Variants in COL25A1 observed in about 807,000 individuals in gnomAD.
The protein encoded by COL25A1 is collagen type XXV alpha 1 chain, also known as collagen alpha-1(XXV) chain.
Under a neutral mutation model 128.4 loss-of-function variants are expected in COL25A1, and 103 were observed. The observed-to-expected ratio is 0.80, with a 90% CI of 0.68 to 0.94. The LOEUF is 0.94. COL25A1 is among the 40% of genes least tolerant of loss of function. The pLI is 0.00. For synonymous variants in COL25A1, 279 were observed against 277.2 expected (o/e 1.01, Z -0.06); for missense variants, 745 against 840.0 (o/e 0.89, Z 1.40).
At chr4:109,002,777 TTTTAC>T (rs1755574170) in intron 6 of COL25A1, among the ~76,000 whole-genome samples, 4 of 151,892 alleles carry the variant, frequency 2.6e-5, no homozygotes, top group Admixed American at 2.0e-4. Flanking sequence ...TTTTTTTTTG[TTTTAC>T]TTTAAGTTTT....
At chr4:109,067,997 C>A (rs968905608) in intron 3 of COL25A1, among the ~76,000 whole-genome samples, 2 of 152,064 alleles carry the variant, frequency 1.3e-5, no homozygotes, top group African/African-American at 4.8e-5. Flanking sequence ...CAACAATAAT[C>A]GAAAATCAAG....
chr4:109,013,451 G>A (rs921919141), intron 5 of COL25A1, among the ~76,000 whole-genome samples: 1 of 151,728 alleles, frequency 6.6e-6, no homozygotes, highest in South Asian at 2.1e-4. Context: ...CAGGCTGCCT[G>A]AGCCAGCAGC....
In COL25A1 at chr4:109,290,467, A is replaced by G. The variant is rs1724355926; in HGVS notation, c.367+10116T>C. The stretch of plus-strand genomic sequence containing the variant: ...GTCTCTTTATGGAAGGAATTTCTCA[A>G]TGCTAGAGGTTTGGGGTTTTTCAAA... On this transcript the variant is annotated intron_variant, in intron 3 of 37. Transcript: ENST00000399132. 2.0e-5 allele frequency among the ~76,000 whole-genome samples: 3 copies of G among 152,080 alleles called. No individual in the cohort carries two copies. In the South Asian group the frequency reaches 6.2e-4, roughly 32 times the overall value.
chr4:108,886,492 G>GTTTTTTTTTTT (rs535762905), intron 18 of COL25A1, among the ~76,000 whole-genome samples: 5 of 109,272 alleles, frequency 4.6e-5, no homozygotes, highest in African/African-American at 2.0e-4. Context: ...GTGTGTGTGT[G>GTTTTTTTTTTT]TTTAGCTCAT....
At chr4:108,966,977 GA>G (rs1202305377) in intron 8 of COL25A1, among the ~76,000 whole-genome samples, 1 of 151,930 alleles carries the variant, frequency 6.6e-6, no homozygotes, top group Non-Finnish European at 1.5e-5. Flanking sequence ...GAAAAAGAAA[GA>G]AAAGTTTTAT....
chr4:109,278,989 C>T (rs374226816), intron 3 of COL25A1, among the ~76,000 whole-genome samples: 4 of 152,050 alleles, frequency 2.6e-5, no homozygotes, highest in African/African-American at 9.7e-5. Context: ...TCCCTAGGGA[C>T]CTTTTTATAT....
chr4:108,899,059 C>G (rs2125861438), intron 15 of COL25A1, 95 bp downstream of exon 15: 1 of 1,178,108 alleles, frequency 8.5e-7, no homozygotes, highest in East Asian at 2.5e-5. Context: ...ATCCATCCAC[C>G]CATCCATTCA....
intron 16 of COL25A1, among the ~76,000 whole-genome samples, chr4:108,893,854 A>C (rs1449152674): frequency 6.6e-6 from 1 of 152,168 alleles, no homozygotes; most frequent in Non-Finnish European, 1.5e-5. Flanking sequence ...ATTATATTCC[A>C]ATTACAGCAT....
At chr4:109,262,159 T>C (rs1003720272) in intron 3 of COL25A1, among the ~76,000 whole-genome samples, 1 of 152,114 alleles carries the variant, frequency 6.6e-6, no homozygotes, top group South Asian at 2.1e-4. Flanking sequence ...CATTTCTGCA[T>C]CCTCCCACAC....
chr4:109,193,983 A>G (rs552297926), intron 3 of COL25A1, among the ~76,000 whole-genome samples: 44 of 152,346 alleles, frequency 2.9e-4, no homozygotes, highest in Non-Finnish European at 5.4e-4. Context: ...TTGATTGATG[A>G]GCAAGGTCTT....
chr4:108,842,806 A>T (rs1734601219), intron 30 of COL25A1, among the ~76,000 whole-genome samples: 1 of 152,134 alleles, frequency 6.6e-6, no homozygotes, highest in African/African-American at 2.4e-5. Flanking sequence ...AAAAAGCCAA[A>T]AGTATGCCAT....
At chr4:109,155,654 T>G (rs1771959581) in intron 3 of COL25A1, among the ~76,000 whole-genome samples, 1 of 152,248 alleles carries the variant, frequency 6.6e-6, no homozygotes, top group African/African-American at 2.4e-5. Context: ...AACTAATTTT[T>G]ATTGCTATGA....
chr4:109,247,211 T>C (rs968114893), intron 3 of COL25A1, among the ~76,000 whole-genome samples: 1 of 152,026 alleles, frequency 6.6e-6, no homozygotes, highest in African/African-American at 2.4e-5. Context: ...CAAATTAGCC[T>C]GGTGTGGTTC....
At chr4:108,956,358 G>A (rs1750072656) in intron 8 of COL25A1, among the ~76,000 whole-genome samples, 1 of 152,200 alleles carries the variant, frequency 6.6e-6, no homozygotes, top group African/African-American at 2.4e-5. Context: ...TACTTAACCA[G>A]TCACACAGTT....
intron 3 of COL25A1, among the ~76,000 whole-genome samples, chr4:109,280,761 T>C (rs1488886231): frequency 6.6e-6 from 1 of 152,096 alleles, no homozygotes; most frequent in Non-Finnish European, 1.5e-5. Context: ...CAAGTGATTC[T>C]CCTGCCTCAG....
chr4:109,227,996 A>G (rs1281803937), intron 3 of COL25A1, among the ~76,000 whole-genome samples: 1 of 152,202 alleles, frequency 6.6e-6, no homozygotes, highest in Non-Finnish European at 1.5e-5. Flanking sequence ...GACCTGGGGC[A>G]CCACTGGTAT....
chr4:109,009,571 A>G (rs1014731501), intron 6 of COL25A1, among the ~76,000 whole-genome samples: 1 of 152,232 alleles, frequency 6.6e-6, no homozygotes, highest in Non-Finnish European at 1.5e-5. Context: ...CTAAGGCAGA[A>G]ATAACATTCA....
At chr4:109,093,201 C>G (rs1765082261) in intron 3 of COL25A1, among the ~76,000 whole-genome samples, 3 of 151,966 alleles carry the variant, frequency 2.0e-5, no homozygotes, top group African/African-American at 7.3e-5. Flanking sequence ...TGGAAAATAC[C>G]AACTAAAACT....
chr4:108,900,206 G>A (rs950228135), intron 14 of COL25A1, among the ~76,000 whole-genome samples: 2 of 152,132 alleles, frequency 1.3e-5, no homozygotes, highest in African/African-American at 4.8e-5. Flanking sequence ...ATAGCACTGT[G>A]AACATGCATT....
Sources: allele counts gnomAD v4.1 joint callset (sites outside exome capture counted in the v4.1 genomes callset), GRCh38; gene constraint gnomAD v4.1.1; transcripts MANE v1.5; gene names NCBI Gene and HGNC (gene_info 2026-07-23, HGNC 2026-07-21).